RTN4: variants seen among roughly 807,000 people sequenced by gnomAD.
RTN4 encodes the protein reticulon 4.
RTN4 carries 32 observed loss-of-function variants against 90.4 expected under a neutral mutation model. The observed-to-expected ratio is 0.35, with a 90% CI of 0.27 to 0.48. The LOEUF (loss-of-function observed/expected upper bound fraction) is 0.48, where lower values mean the gene tolerates loss of function less well. RTN4 is among the 20% of genes least tolerant of loss of function. The probability of loss-of-function intolerance (pLI) is 0.99; values close to 1 mark genes in which losing one functional copy is unlikely to be tolerated. For missense variants in RTN4, 1,706 were observed against 1,430.2 expected (o/e 1.19, Z -3.11); for synonymous variants, 629 against 552.5 (o/e 1.14, Z -1.94).
At chr2:55,096,631 T>C (rs1667725976) in intron 1 of RTN4, among the ~76,000 whole-genome samples, 1 of 152,204 alleles carries the variant, frequency 6.6e-6, no homozygotes, top group East Asian at 1.9e-4. Flanking sequence ...ATAAAACTTT[T>C]GTCTTAGTTG....
At position 55,038,970 on chromosome 2, in the gene RTN4, T is replaced by A. The variant is rs148682255; in HGVS notation, c.557-10750A>T. Among the ~76,000 whole-genome samples, 463 of 152,324 alleles carry A rather than the reference T, an allele frequency of 3.0e-3. 3 individuals are homozygous for A. Among genetic ancestry groups the A allele is most frequent in the African/African-American group, 0.01 (422 of 41,570 alleles). On this transcript the variant is annotated intron_variant, in intron 1 of 8. Coordinates refer to ENST00000337526, the MANE Select transcript of RTN4 (RefSeq NM_020532.5). ...GCATCATTAGTAAGTCTTAAAAGCATCATGCTGAATGCAAGTAGCCAAGCA... is the reference window on the plus strand; with the variant it reads ...GCATCATTAGTAAGTCTTAAAAGCAACATGCTGAATGCAAGTAGCCAAGCA...
intron 1 of RTN4, among the ~76,000 whole-genome samples, chr2:55,034,121 G>A (rs1388227736): frequency 6.6e-6 from 1 of 152,164 alleles, no homozygotes; most frequent in African/African-American, 2.4e-5. Flanking sequence ...CAATGATTCA[G>A]TATTTGCTAA....
intron 3 of RTN4, among the ~76,000 whole-genome samples, chr2:54,994,827 G>C (rs528667712): frequency 9.2e-5 from 14 of 152,208 alleles, no homozygotes; most frequent in Non-Finnish European, 1.6e-4. Context: ...GTTGAGGATA[G>C]CTTTCTGGAA....
the RTN4 span, among the ~76,000 whole-genome samples, chr2:55,125,466 T>C: frequency 2.6e-5 from 4 of 152,108 alleles, no homozygotes; most frequent in African/African-American, 9.7e-5. Context: ...AACAGATACT[T>C]CTCAAAAGAA....
chr2:54,983,320 G>A (rs1410699048), intron 4 of RTN4, among the ~76,000 whole-genome samples: 1 of 115,430 alleles, frequency 8.7e-6, no homozygotes, highest in East Asian at 2.1e-4. Flanking sequence ...TATTGTATTG[G>A]TAATAAATAA....
intron 1 of RTN4, among the ~76,000 whole-genome samples, chr2:55,110,730 A>G (rs1668023521): frequency 6.6e-6 from 1 of 152,204 alleles, no homozygotes; most frequent in African/African-American, 2.4e-5. Flanking sequence ...AAATCAGGAA[A>G]AATACAGATT....
At position 54,972,615 on chromosome 2, in the gene RTN4, A is replaced by ATAT. The variant is rs1452922638; in HGVS notation, c.*538_*540dup. The ATAT allele has an allele frequency of 6.6e-6, 1 of 152,632 alleles. No homozygotes were observed. Among genetic ancestry groups the ATAT allele is most frequent in the East Asian group, 1.9e-4 (1 of 5,200 alleles). The allele number at this position is 152,632 out of a possible 1,614,324, so 9.5% of individuals were successfully genotyped here. The stretch of plus-strand genomic sequence containing the variant: ...GTGAAACACTATACATATATAATCT[A>ATAT]TATTTACTTATATTGGCAATTAATA... On this transcript the variant is annotated 3_prime_UTR_variant, in exon 9 of 9. Coordinates refer to ENST00000337526, the MANE Select transcript of RTN4 (RefSeq NM_020532.5).
the RTN4 span, among the ~76,000 whole-genome samples, chr2:55,129,103 C>T: frequency 7.0e-6 from 1 of 142,160 alleles, no homozygotes; most frequent in Non-Finnish European, 1.5e-5. Context: ...GAGCAAGACT[C>T]CGTCTCAAAA....
At chr2:55,117,334 C>T (rs56181361), upstream of RTN4, among the ~76,000 whole-genome samples, 3,846 of 152,260 alleles carry the variant, frequency 0.025, 158 homozygotes, top group African/African-American at 0.089. Flanking sequence ...CTCATGCCTT[C>T]GAGCATTCCC....
At chr2:54,982,324 A>AG (rs1678202276) in intron 5 of RTN4, among the ~76,000 whole-genome samples, 191 bp downstream of exon 5, 1 of 152,130 alleles carries the variant, frequency 6.6e-6, no homozygotes, top group Non-Finnish European at 1.5e-5. Context: ...AAGTATGACC[A>AG]GAAAAAAAAA....
At chr2:55,022,272 T>G (rs1423179719) in intron 3 of RTN4, among the ~76,000 whole-genome samples, 1 of 152,158 alleles carries the variant, frequency 6.6e-6, no homozygotes, top group Non-Finnish European at 1.5e-5. Context: ...ATCACCAAGC[T>G]GCTCTGGGCT....
At chr2:54,973,236 TTGC>T in intron 8 of RTN4, 38 bp from the exon 9 acceptor site, 1 of 1,521,272 alleles carries the variant, frequency 6.6e-7, no homozygotes, top group Non-Finnish European at 9.1e-7. Context: ...TCAGTTTTGT[TTGC>T]TGCTGCTTAA....
intron 1 of RTN4, among the ~76,000 whole-genome samples, chr2:55,106,054 C>T (rs930293462): frequency 2.0e-5 from 3 of 152,058 alleles, no homozygotes; most frequent in African/African-American, 7.3e-5. Context: ...TATACTTCAC[C>T]TTTTCAAAAG....
At chr2:55,075,421 C>T (rs759601521) in intron 2 of RTN4, among the ~76,000 whole-genome samples, 12 of 152,168 alleles carry the variant, frequency 7.9e-5, no homozygotes, top group Non-Finnish European at 1.5e-4. Context: ...TTACAAAACA[C>T]TGCTGAAATA....
At chr2:55,023,353 A>C (rs1420664960) in intron 3 of RTN4, among the ~76,000 whole-genome samples, 2 of 152,184 alleles carry the variant, frequency 1.3e-5, no homozygotes, top group South Asian at 4.1e-4. Flanking sequence ...AGTCAGAGGT[A>C]TTGCAGATCT....
chr2:55,017,105 A>C (rs755328805), intron 3 of RTN4, among the ~76,000 whole-genome samples: 26 of 152,162 alleles, frequency 1.7e-4, no homozygotes, highest in Non-Finnish European at 3.4e-4. Flanking sequence ...ATTTAGCTAC[A>C]TTGTACATCT....
At chr2:55,040,322 G>A (rs1682985329) in intron 1 of RTN4, among the ~76,000 whole-genome samples, 1 of 152,088 alleles carries the variant, frequency 6.6e-6, no homozygotes, top group Admixed American at 6.6e-5. Flanking sequence ...TCTAGACTAT[G>A]AAAGGGATTT....
intron 3 of RTN4, among the ~76,000 whole-genome samples, chr2:54,996,621 C>T (rs932237529): frequency 6.6e-6 from 1 of 152,196 alleles, no homozygotes; most frequent in African/African-American, 2.4e-5. Flanking sequence ...GCTAGGACAA[C>T]TGGATATCCA....
chr2:55,127,604 T>C, the RTN4 span, among the ~76,000 whole-genome samples: 5 of 152,332 alleles, frequency 3.3e-5, no homozygotes, highest in Admixed American at 1.3e-4. Context: ...TCCATCCTCA[T>C]AATACCCCAC....
Sources: gnomAD v4.1 joint callset for allele counts (sites outside exome capture counted in the v4.1 genomes callset) on GRCh38, gnomAD v4.1.1 for gene constraint, MANE v1.5 for transcripts, NCBI Gene and HGNC (gene_info 2026-07-23, HGNC 2026-07-21) for gene names.